ZNF654: variants seen among roughly 807,000 people sequenced by gnomAD.
ZNF654 encodes the protein melanoma-associated antigen.
In ZNF654, 19 loss-of-function variants were observed where a neutral mutation model predicts 95.3. The ratio of observed to expected loss-of-function variants is 0.20; its 90% CI spans 0.14 to 0.29. The LOEUF (loss-of-function observed/expected upper bound fraction) is 0.29, where lower values mean the gene tolerates loss of function less well. Among genes scored for constraint, ZNF654 ranks in the 10% least tolerant of loss-of-function variants. The pLI, the probability that ZNF654 is intolerant of heterozygous loss-of-function variation, is 1.00. For synonymous variants in ZNF654, 413 were observed against 457.9 expected (o/e 0.90, Z 1.25); for missense variants, 1,046 against 1,341.0 (o/e 0.78, Z 3.44).
intron 1 of ZNF654, among the ~76,000 whole-genome samples, chr3:88,069,539 G>A (rs931491992): frequency 7.2e-5 from 11 of 152,104 alleles, no homozygotes; most frequent in African/African-American, 1.9e-4. Context: ...AGCACTTATC[G>A]AAGTTATAAC....
chr3:88,067,832 G>GAT (rs1452206117), intron 1 of ZNF654, among the ~76,000 whole-genome samples: 1 of 151,868 alleles, frequency 6.6e-6, no homozygotes, highest in Non-Finnish European at 1.5e-5. Flanking sequence ...GAGAAGGAAA[G>GAT]ATATGGTGGT....
At chr3:88,103,988 C>T (rs1430209844) in intron 2 of ZNF654, among the ~76,000 whole-genome samples, 1 of 151,944 alleles carries the variant, frequency 6.6e-6, no homozygotes, top group Non-Finnish European at 1.5e-5. Context: ...TCTCGAACTC[C>T]TTACCTCAGG....
At chr3:88,107,681 G>A (rs1704828145) in intron 2 of ZNF654, among the ~76,000 whole-genome samples, 1 of 152,012 alleles carries the variant, frequency 6.6e-6, no homozygotes, top group African/African-American at 2.4e-5. Context: ...TTGTCTTTCT[G>A]TAGGTACTCT....
At position 88,143,082 on chromosome 3, in the gene ZNF654, A is replaced by C. The variant is rs1707205171; in HGVS notation, c.*1430A>C. On this transcript the variant is annotated 3_prime_UTR_variant, in exon 9 of 9. Transcript: ENST00000636215. Reference sequence around the variant, plus strand: ...TCAAATATTCCAGTTATTCTAAATAATAAAATCTTTGTTCAAGGCAGATAA... The same window carrying C: ...TCAAATATTCCAGTTATTCTAAATACTAAAATCTTTGTTCAAGGCAGATAA... 1.3e-5 allele frequency: 2 copies of C among 152,298 alleles called. No individual in the cohort carries two copies. The highest frequency in any genetic ancestry group is 4.1e-4 in the South Asian group (2 of 4,836). 9.4% of individuals were successfully genotyped at this position (152,298 alleles called of 1,614,324 possible). A position where few individuals can be genotyped will look rare whatever the true frequency, so the allele number is the denominator to read the frequency against.
intron 1 of ZNF654, among the ~76,000 whole-genome samples, chr3:88,069,180 G>C (rs1707366747): frequency 6.6e-6 from 1 of 152,188 alleles, no homozygotes; most frequent in South Asian, 2.1e-4. Flanking sequence ...CCAGTACTTT[G>C]GGAGGCCGAG....
chr3:88,116,561 TAC>T (rs61470020), intron 3 of ZNF654, among the ~76,000 whole-genome samples: 20,931 of 150,930 alleles, frequency 0.14, 1,510 homozygotes, highest in Non-Finnish European at 0.14. Context: ...TACATATATA[TAC>T]ACACACACAC....
chr3:88,107,949 G>A (rs1036620927), intron 2 of ZNF654, among the ~76,000 whole-genome samples: 41 of 151,854 alleles, frequency 2.7e-4, no homozygotes, highest in African/African-American at 8.2e-4. Context: ...TCATAGTGCT[G>A]TGTTTCCTTG....
rs565088657 is a variant in ZNF654 at position 88,098,731 on chromosome 3, C to T, written c.332+12329C>T. On this transcript the variant is annotated intron_variant, in intron 2 of 8. Coordinates refer to ENST00000636215, the MANE Select transcript of ZNF654 (RefSeq NM_001350134.2). ...TATAAACAGAACCAAAGACAAAAACCACATGATTATCTCAATAGATGCAGA... is the reference window on the plus strand; with the variant it reads ...TATAAACAGAACCAAAGACAAAAACTACATGATTATCTCAATAGATGCAGA... Among the ~76,000 whole-genome samples the T allele has an allele frequency of 7.2e-5, 11 of 152,192 alleles. No homozygotes were observed. The East Asian group carries it at 1.5e-3, about 21-fold the overall frequency.
rs528735666 is a variant in ZNF654, at chr3:88,138,839, C to T, written c.1170C>T (p.Ile390=). The stretch of plus-strand genomic sequence containing the variant: ...ATTTTTTGCCAAATGATTTGGAGAT[C>T]CTCAGGATTTGTGCACTCTCAATAT... ...IAHFLPNDLE[I]LRICALSIFF... is the part of the protein sequence containing the mutation. Residue 390 remains isoleucine, a synonymous_variant, in exon 8 of 9, where the codon ATC becomes ATT. Transcript: ENST00000636215. The T allele has an allele frequency of 6.5e-6, 8 of 1,231,906 alleles. No homozygotes were observed. The African/African-American group carries it at 1.1e-4, about 17-fold the overall frequency. The allele number at this position is 1,231,906 out of a possible 1,614,324, so 76.3% of individuals were successfully genotyped here. A position where few individuals can be genotyped will look rare whatever the true frequency, so the allele number is the denominator to read the frequency against.
intron 2 of ZNF654, among the ~76,000 whole-genome samples, chr3:88,111,807 C>T (rs1018513222): frequency 1.3e-5 from 2 of 151,858 alleles, no homozygotes; most frequent in African/African-American, 4.8e-5. Flanking sequence ...GGTCCTGTTT[C>T]TATACACCAA....
chr3:88,093,121 T>C (rs1219780816), intron 2 of ZNF654, among the ~76,000 whole-genome samples: 2 of 152,202 alleles, frequency 1.3e-5, no homozygotes, highest in African/African-American at 4.8e-5. Flanking sequence ...ATTCATTCTT[T>C]GTAGATAAGA....
intron 3 of ZNF654, among the ~76,000 whole-genome samples, chr3:88,125,226 A>C (rs1002179621): frequency 4.0e-5 from 6 of 151,568 alleles, no homozygotes; most frequent in African/African-American, 9.7e-5. Context: ...AAAAAAAAAA[A>C]CAAAAAAACA....
chr3:88,067,800 T>G (rs765550100), intron 1 of ZNF654, among the ~76,000 whole-genome samples: 1 of 151,940 alleles, frequency 6.6e-6, no homozygotes, highest in Non-Finnish European at 1.5e-5. Flanking sequence ...GAATAGACAG[T>G]AAGTACAAAT....
In ZNF654 at chr3:88,128,920, A is replaced by G. The variant is rs1382022434; in HGVS notation, c.662A>G (p.Asn221Ser). 8 of 1,535,508 alleles carry G rather than the reference A, an allele frequency of 5.2e-6. No homozygotes were observed. The Admixed American group carries it at 1.2e-4, about 23-fold the overall frequency. Residue 221 changes from asparagine (N) to serine (S), a missense_variant, in exon 5 of 9, where the codon AAT becomes AGT. Asn to Ser is a conservative substitution (Grantham distance 46, BLOSUM62 1). Around this residue, in one of 9 missense-constraint regions of ZNF654, gnomAD observed 121 missense variants for 141.7 expected, o/e 0.85. Transcript: ENST00000636215. Reference protein sequence around the residue: ...EAMALIKSCINHPEISKDLYF... With the variant: ...EAMALIKSCISHPEISKDLYF... ...ATGGCTCTTATTAAATCTTGTATAA[A>G]TCACCCAGAAATCAGTAAAGACTTA...
At chr3:88,074,684 C>T (rs540330379) in intron 1 of ZNF654, among the ~76,000 whole-genome samples, 98 of 152,166 alleles carry the variant, frequency 6.4e-4, no homozygotes, top group Non-Finnish European at 1.1e-3. Flanking sequence ...GTAGGGCAAA[C>T]GTTTATTACT....
intron 3 of ZNF654, among the ~76,000 whole-genome samples, chr3:88,122,742 G>C (rs559204647): frequency 4.8e-4 from 73 of 152,132 alleles, no homozygotes; most frequent in Admixed American, 5.9e-4. Context: ...GGGTACGGTG[G>C]CTCATACCTG....
intron 2 of ZNF654, among the ~76,000 whole-genome samples, chr3:88,109,142 A>AGTGTGTGTGTGTGTGTGTGT (rs35595112): frequency 3.7e-4 from 53 of 142,524 alleles, no homozygotes; most frequent in Non-Finnish European, 2.8e-4. Flanking sequence ...AGTGGGCACT[A>AGTGTGTGTGTGTGTGTGTGT]GTGTGTGTGT....
At chr3:88,067,043 T>G (rs973386765) in intron 1 of ZNF654, among the ~76,000 whole-genome samples, 4 of 152,202 alleles carry the variant, frequency 2.6e-5, no homozygotes, top group Non-Finnish European at 2.9e-5. Flanking sequence ...CTGTCAACTT[T>G]TCAAAGCAGT....
At chr3:88,087,565 G>A (rs1404826776) in intron 2 of ZNF654, among the ~76,000 whole-genome samples, 1 of 152,172 alleles carries the variant, frequency 6.6e-6, no homozygotes, top group East Asian at 1.9e-4. Flanking sequence ...AGTTTTCTGG[G>A]GGACAGAAAG....
Sources: allele counts gnomAD v4.1 joint callset (sites outside exome capture counted in the v4.1 genomes callset), GRCh38; gene constraint gnomAD v4.1.1; regional missense constraint gnomAD v4.1.1; transcripts MANE v1.5; gene names NCBI Gene and HGNC (gene_info 2026-07-23, HGNC 2026-07-21).